Variants in NUCKS1 observed in about 807,000 individuals in gnomAD.
NUCKS1 encodes nuclear casein kinase and cyclin dependent kinase substrate 1, also known as nuclear ubiquitous casein and cyclin-dependent kinase substrate 1.
A neutral mutation model predicts 33.0 loss-of-function variants in NUCKS1; 2 were observed. The ratio of observed to expected loss-of-function variants is 0.06; its 90% CI spans 0.02 to 0.19. The LOEUF is 0.19. NUCKS1 is among the 10% of genes least tolerant of loss of function. NUCKS1 has a pLI of 1.00. For missense variants in NUCKS1, 201 were observed against 293.6 expected (o/e 0.68, Z 2.31); for synonymous variants, 106 against 102.8 (o/e 1.03, Z -0.19).
Position 205,713,711 on chromosome 1 carries a change from G to A in NUCKS1, c.*4569C>T, listed in dbSNP as rs1350353392. ...TGCTGCAGATTTCAGCACTGTTAAG[G>A]TATTGCAAGAATGCCCAACCCTCTG... On this transcript the variant is annotated 3_prime_UTR_variant, in exon 7 of 7. Coordinates refer to ENST00000367142, the MANE Select transcript of NUCKS1 (RefSeq NM_022731.5). 1 of 152,164 alleles carries A rather than the reference G, an allele frequency of 6.6e-6. No individual in the cohort carries two copies. Among genetic ancestry groups the A allele is most frequent in the Admixed American group, 6.5e-5 (1 of 15,276 alleles). The allele number at this position is 152,164 out of a possible 1,614,324, so 9.4% of individuals were successfully genotyped here. A position where few individuals can be genotyped will look rare whatever the true frequency, so the allele number is the denominator to read the frequency against.
In NUCKS1 at chr1:205,715,037, T is replaced by C. The variant is rs542159352; in HGVS notation, c.*3243A>G. ...AGTTTAAAGAAAAGCACGATTCCCATCCCCAACCAGTACTTGAAAATCCAC... is the reference window on the plus strand; with the variant it reads ...AGTTTAAAGAAAAGCACGATTCCCACCCCCAACCAGTACTTGAAAATCCAC... On this transcript the variant is annotated 3_prime_UTR_variant, in exon 7 of 7. Transcript: ENST00000367142. The C allele has an allele frequency of 1.3e-5, 2 of 151,954 alleles. No homozygotes were observed. The highest frequency in any genetic ancestry group is 2.1e-4 in the South Asian group (1 of 4,814). 9.4% of individuals were successfully genotyped at this position (151,954 alleles called of 1,614,324 possible).
At chr1:205,724,848 T>C (rs2102433507) in intron 3 of NUCKS1, among the ~76,000 whole-genome samples, 1 of 152,290 alleles carries the variant, frequency 6.6e-6, no homozygotes, top group Middle Eastern at 3.4e-3. Flanking sequence ...AACATCAACA[T>C]ATAGTCCTGC....
Position 205,750,018 on chromosome 1 carries a change from ACCCCCC to A in NUCKS1, c.-51_-46del. The A allele has an allele frequency of 1.0e-6, 1 of 964,084 alleles. No homozygotes were observed. The highest frequency in any genetic ancestry group is 1.5e-6 in the Non-Finnish European group (1 of 684,578). 59.7% of individuals were successfully genotyped at this position (964,084 alleles called of 1,614,324 possible). A position where few individuals can be genotyped will look rare whatever the true frequency, so the allele number is the denominator to read the frequency against. ...CCGAGTCGAGAAGCCAAAGACCAGG[ACCCCCC>A]CCACCCCGCGCGCTCGGCGCCCCAC... On this transcript the variant is annotated 5_prime_UTR_variant, in exon 1 of 7. Transcript: ENST00000367142.
chr1:205,724,926 G>A (rs1653699853), intron 3 of NUCKS1, among the ~76,000 whole-genome samples: 1 of 152,104 alleles, frequency 6.6e-6, no homozygotes, highest in African/African-American at 2.4e-5. Context: ...AGAAGTTAAG[G>A]AGCTTCAAAG....
intron 1 of NUCKS1, among the ~76,000 whole-genome samples, chr1:205,731,854 C>A (rs917150783): frequency 6.6e-6 from 1 of 151,626 alleles, no homozygotes; most frequent in Admixed American, 6.6e-5. Flanking sequence ...CAACATCACG[C>A]CACTGCACTC....
At chr1:205,745,444 C>G (rs1411442761) in intron 1 of NUCKS1, among the ~76,000 whole-genome samples, 1 of 151,838 alleles carries the variant, frequency 6.6e-6, no homozygotes, top group Non-Finnish European at 1.5e-5. Flanking sequence ...AGCCTGTGAT[C>G]GCACCAGTGC....
At chr1:205,730,407 A>G (rs1653879673) in intron 1 of NUCKS1, among the ~76,000 whole-genome samples, 1 of 152,164 alleles carries the variant, frequency 6.6e-6, no homozygotes, top group African/African-American at 2.4e-5. Flanking sequence ...GTTATAAGAA[A>G]GCATAGCATA....
rs1288664641 is a variant in NUCKS1, at chr1:205,743,526, TAA to T, written c.17+6429_17+6430del. On this transcript the variant is annotated intron_variant, in intron 1 of 6. Coordinates refer to ENST00000367142, the MANE Select transcript of NUCKS1 (RefSeq NM_022731.5). Reference sequence around the variant, plus strand: ...TCATTTCCTTCTAATTTTAATGCATTAAGTTTTACAATAGGCGTTAAACCTTT... The same window carrying T: ...TCATTTCCTTCTAATTTTAATGCATTGTTTTACAATAGGCGTTAAACCTTT... 4.6e-5 allele frequency among the ~76,000 whole-genome samples: 7 copies of T among 152,354 alleles called. No homozygotes were observed. In the East Asian group the frequency reaches 9.6e-4, roughly 21 times the overall value.
intron 1 of NUCKS1, among the ~76,000 whole-genome samples, chr1:205,746,437 TCTCTCTCTC>T (rs1654328206): frequency 2.7e-5 from 1 of 37,664 alleles, no homozygotes; most frequent in African/African-American, 7.8e-5. Context: ...TAAACTCACT[TCTCTCTCTC>T]TCTCTCTCAC....
Position 205,727,781 on chromosome 1 carries a change from C to T in NUCKS1, c.92G>A (p.Gly31Asp). Reference protein sequence around the residue: ...DADEDYGRDSGPPTKKIRSSP... With the variant: ...DADEDYGRDSDPPTKKIRSSP... ...TGATCGAATTTTCTTAGTGGGAGGG[C>T]CCGAATCTCTTCCATAATCTTCATC... The change falls in exon 3 of 7, where the codon GGC becomes GAC. Residue 31 changes from glycine to aspartate, a missense_variant. Gly to Asp is a moderately conservative substitution (Grantham distance 94). Transcript: ENST00000367142. The T allele has an allele frequency of 6.2e-7, 1 of 1,612,194 alleles. No individual in the cohort carries two copies. The highest frequency in any genetic ancestry group is 8.5e-7 in the Non-Finnish European group (1 of 1,178,860).
intron 4 of NUCKS1, among the ~76,000 whole-genome samples, chr1:205,721,965 C>A (rs1346264650): frequency 6.6e-6 from 1 of 151,850 alleles, no homozygotes; most frequent in Non-Finnish European, 1.5e-5. Flanking sequence ...TGAGCCACTG[C>A]GCCCAGCTGG....
At chr1:205,741,672 T>A (rs1654179353) in intron 1 of NUCKS1, among the ~76,000 whole-genome samples, 2 of 152,160 alleles carry the variant, frequency 1.3e-5, no homozygotes, top group Non-Finnish European at 2.9e-5. Context: ...AATTACAGAA[T>A]TTTGGAGAAG....
At chr1:205,728,037 T>C (rs1247148570) in intron 2 of NUCKS1, among the ~76,000 whole-genome samples, 2 of 152,208 alleles carry the variant, frequency 1.3e-5, no homozygotes, top group Admixed American at 1.3e-4. Context: ...TTCATCTTTC[T>C]ATAGCTAAAC....
At chr1:205,749,876 C>CT (rs1389116542) in intron 1 of NUCKS1, 81 bp downstream of exon 1, 1 of 1,447,720 alleles carries the variant, frequency 6.9e-7, no homozygotes, top group East Asian at 2.4e-5. Context: ...ATGGCGGACT[C>CT]TAGCCTTCTG....
At position 205,741,316 on chromosome 1, in the gene NUCKS1, A is replaced by G. The variant is rs866922768; in HGVS notation, c.17+8641T>C. 1.5e-4 allele frequency among the ~76,000 whole-genome samples: 22 copies of G among 150,822 alleles called. 1 individual carries two copies. Among genetic ancestry groups the G allele is most frequent in the South Asian group, 1.5e-3 (7 of 4,802 alleles). ...CTGTCTCAAAAAAAAAAAAAAAAAA[A>G]AAAGAAAAGAAAAGAAAGAAAAAGT... is the stretch of plus-strand genomic sequence containing the variant. On this transcript the variant is annotated intron_variant, in intron 1 of 6. Transcript: ENST00000367142.
Position 205,718,220 on chromosome 1 carries a change from CT to C in NUCKS1, c.*59del. The C allele has an allele frequency of 6.8e-7, 1 of 1,477,610 alleles. No homozygotes were observed. Among genetic ancestry groups the C allele is most frequent in the Non-Finnish European group, 9.0e-7 (1 of 1,106,436 alleles). 91.5% of individuals were successfully genotyped at this position (1,477,610 alleles called of 1,614,324 possible). A position where few individuals can be genotyped will look rare whatever the true frequency, so the allele number is the denominator to read the frequency against. ...AAGTAGGTTCTTTTTTTTCCTCCCT[CT>C]TTTTTCTTTTTTTTTCTTTTTTTTT... On this transcript the variant is annotated 3_prime_UTR_variant, in exon 7 of 7. Coordinates refer to ENST00000367142, the MANE Select transcript of NUCKS1 (RefSeq NM_022731.5).
At chr1:205,719,152 G>T (rs1164674959) in intron 6 of NUCKS1, among the ~76,000 whole-genome samples, 1 of 152,194 alleles carries the variant, frequency 6.6e-6, no homozygotes, top group Non-Finnish European at 1.5e-5. Context: ...ATTACTCTAG[G>T]TTTGTGCATT....
intron 1 of NUCKS1, among the ~76,000 whole-genome samples, chr1:205,741,192 C>G (rs1345842585): frequency 1.6e-5 from 2 of 127,188 alleles, no homozygotes; most frequent in Non-Finnish European, 3.6e-5. Flanking sequence ...CCCAGCTACT[C>G]GGGAGGCTGA....
intron 4 of NUCKS1, among the ~76,000 whole-genome samples, chr1:205,721,992 A>T (rs1671925881): frequency 6.6e-6 from 1 of 152,124 alleles, no homozygotes; most frequent in Non-Finnish European, 1.5e-5. Flanking sequence ...TTTAAAATAC[A>T]TATTTAGATT....
Sources: allele counts gnomAD v4.1 joint callset (sites outside exome capture counted in the v4.1 genomes callset), GRCh38; gene constraint gnomAD v4.1.1; transcripts MANE v1.5; gene names NCBI Gene and HGNC (gene_info 2026-07-23, HGNC 2026-07-21).